Variants in OLAH observed in about 807,000 individuals in gnomAD.
The protein encoded by OLAH is oleoyl-ACP hydrolase.
A neutral mutation model predicts 27.8 loss-of-function variants in OLAH; 33 were observed. That is an observed-to-expected ratio of 1.19 (90% CI 0.90 to 1.59). The LOEUF is 1.59. Ranked by LOEUF, OLAH falls within the 40% of genes most tolerant of loss-of-function variation. OLAH has a pLI of 0.00. For missense variants in OLAH, 359 were observed against 310.8 expected (o/e 1.16, Z -1.17); for synonymous variants, 120 against 102.9 (o/e 1.17, Z -1.01).
intron 4 of OLAH, among the ~76,000 whole-genome samples, chr10:15,062,949 G>T (rs1274236519): frequency 6.6e-6 from 1 of 152,038 alleles, no homozygotes; most frequent in African/African-American, 2.4e-5. Flanking sequence ...ATGTTGGCCA[G>T]ACTGGTCTCA....
chr10:15,042,400 G>T (rs1451880615), upstream of OLAH, among the ~76,000 whole-genome samples: 3 of 152,100 alleles, frequency 2.0e-5, no homozygotes. Context: ...CAATCCACCT[G>T]TCTTGGCCTC....
intron 7 of OLAH, 75 bp from the exon 8 acceptor site, chr10:15,073,011 TA>T: frequency 1.4e-6 from 2 of 1,426,720 alleles, no homozygotes; most frequent in South Asian, 2.4e-5. Flanking sequence ...TGTCAGCTCT[TA>T]AAGAAATGAT....
intron 2 of OLAH, among the ~76,000 whole-genome samples, chr10:15,048,885 T>TGAGGTTGG (rs1844074225): frequency 1.3e-5 from 2 of 151,974 alleles, no homozygotes; most frequent in Non-Finnish European, 2.9e-5. Flanking sequence ...GCGGATCACC[T>TGAGGTTGG]GAGGTTGGGA....
At position 15,047,177 on chromosome 10, in the gene OLAH, T is replaced by C; in HGVS notation, c.-112T>C. ...CGCCTTTAAAAAGAAATCTACTCAC[T>C]CTTCTGTGTGCATAAGGCCGAGCAG... On this transcript the variant is annotated 5_prime_UTR_variant, in exon 2 of 8. Coordinates refer to ENST00000378228, the MANE Select transcript of OLAH (RefSeq NM_001039702.3). 1 of 977,094 alleles carries C rather than the reference T, an allele frequency of 1.0e-6. No homozygotes were observed. The highest frequency in any genetic ancestry group is 1.7e-5 in the South Asian group (1 of 58,242). The allele number at this position is 977,094 out of a possible 1,614,324, so 60.5% of individuals were successfully genotyped here.
rs184816565 is a variant in OLAH, at chr10:15,059,921, G to A, written c.164-1803G>A. Among the ~76,000 whole-genome samples the A allele has an allele frequency of 2.2e-4, 34 of 152,296 alleles. No homozygotes were observed. The East Asian group carries it at 5.6e-3, about 25-fold the overall frequency. On this transcript the variant is annotated intron_variant, in intron 3 of 7. Transcript: ENST00000378228. ...ATCAAGTGTTTTTAGCAATTTGATG[G>A]ACAAGCCTTGGTGTGGTTTTCATTG...
intron 7 of OLAH, among the ~76,000 whole-genome samples, chr10:15,072,194 AG>A (rs1844602936): frequency 6.6e-6 from 1 of 152,016 alleles, no homozygotes; most frequent in East Asian, 1.9e-4. Flanking sequence ...GGCCTCCCAA[AG>A]TGCTGGGATT....
At position 15,071,786 on chromosome 10, in the gene OLAH, T is replaced by C. The variant is rs758189158; in HGVS notation, c.573-9T>C. 1.9e-6 allele frequency: 3 copies of C among 1,603,494 alleles called. No individual in the cohort carries two copies. Among genetic ancestry groups the C allele is most frequent in the Non-Finnish European group, 2.6e-6 (3 of 1,172,480 alleles). The stretch of plus-strand genomic sequence containing the variant: ...AAACAATTACTAACCAGCTCTTTTA[T>C]GTTTATAGCTCTAACGTACCATCTA... On this transcript the variant is annotated splice_polypyrimidine_tract_variant and intron_variant, in intron 6 of 7. Coordinates refer to ENST00000378228, the MANE Select transcript of OLAH (RefSeq NM_001039702.3).
intron 1 of OLAH, among the ~76,000 whole-genome samples, chr10:15,037,892 C>G (rs1048460823): frequency 2.6e-5 from 4 of 152,232 alleles, no homozygotes; most frequent in African/African-American, 4.8e-5. Context: ...GTTCTCTATA[C>G]TGCCAACACA....
intron 3 of OLAH, among the ~76,000 whole-genome samples, chr10:15,061,453 A>G (rs1227001206): frequency 6.7e-6 from 1 of 150,284 alleles, no homozygotes; most frequent in Non-Finnish European, 1.5e-5. Flanking sequence ...TCAGCACATG[A>G]TCATCAATGG....
chr10:15,045,503 T>C (rs1407746445), intron 1 of OLAH, among the ~76,000 whole-genome samples: 1 of 152,310 alleles, frequency 6.6e-6, no homozygotes, highest in South Asian at 2.1e-4. Flanking sequence ...TCAGGTGATT[T>C]TTTTCTGAGA....
intron 3 of OLAH, among the ~76,000 whole-genome samples, chr10:15,052,649 G>A (rs1770539140): frequency 8.0e-6 from 1 of 125,292 alleles, no homozygotes; most frequent in Admixed American, 8.1e-5. Context: ...TCTTGCTTCA[G>A]ATTTTGTTAT....
chr10:15,045,328 G>C (rs956949722), intron 1 of OLAH, among the ~76,000 whole-genome samples: 9 of 152,172 alleles, frequency 5.9e-5, no homozygotes, highest in African/African-American at 2.2e-4. Flanking sequence ...TGAAAACTTT[G>C]TAATGCTCCA....
intron 3 of OLAH, among the ~76,000 whole-genome samples, chr10:15,061,301 C>T (rs139401573): frequency 6.6e-6 from 1 of 152,074 alleles, no homozygotes; most frequent in African/African-American, 2.4e-5. Context: ...TTTAGGGTTT[C>T]TTAGCTTTGT....
intron 5 of OLAH, among the ~76,000 whole-genome samples, chr10:15,065,101 G>A (rs1292238262): frequency 1.6e-4 from 25 of 152,146 alleles, no homozygotes; most frequent in Admixed American, 1.6e-3. Context: ...ACTATTCCTG[G>A]CGTCTCTGAG....
chr10:15,060,869 T>C (rs1844348756), intron 3 of OLAH, among the ~76,000 whole-genome samples: 1 of 152,210 alleles, frequency 6.6e-6, no homozygotes, highest in African/African-American at 2.4e-5. Flanking sequence ...TGGATTTTGT[T>C]GTATTCCTGT....
intron 6 of OLAH, among the ~76,000 whole-genome samples, chr10:15,070,670 C>CG (rs1844566260): frequency 6.6e-6 from 1 of 151,850 alleles, no homozygotes; most frequent in Admixed American, 6.6e-5. Context: ...TTAGTAGAGA[C>CG]GGGGTTTCCC....
At chr10:15,060,208 C>T (rs1316239314) in intron 3 of OLAH, among the ~76,000 whole-genome samples, 6 of 152,092 alleles carry the variant, frequency 3.9e-5, no homozygotes, top group Admixed American at 1.3e-4. Flanking sequence ...CTCAGTCTGT[C>T]GTCCAGGCTG....
chr10:15,065,563 T>A (rs1300730481), intron 5 of OLAH, 21 bp from the exon 6 acceptor site: 2 of 1,598,756 alleles, frequency 1.3e-6, no homozygotes, highest in South Asian at 2.3e-5. Context: ...ATCAGGCCTG[T>A]GTTGTTGTTC....
At chr10:15,047,053 C>A (rs1403040047) in intron 1 of OLAH, 73 bp from the exon 2 acceptor site, 3 of 460,730 alleles carry the variant, frequency 6.5e-6, no homozygotes, top group African/African-American at 3.9e-5. Flanking sequence ...TCTCCTTTGT[C>A]ATCACCACTG....
Sources: gnomAD v4.1 joint callset for allele counts (sites outside exome capture counted in the v4.1 genomes callset) on GRCh38, gnomAD v4.1.1 for gene constraint, MANE v1.5 for transcripts, NCBI Gene and HGNC (gene_info 2026-07-23, HGNC 2026-07-21) for gene names.